The following MSRB3 variants were observed in gnomAD, a reference collection of about 807,000 sequenced individuals.
MSRB3 encodes methionine sulfoxide reductase B3, also known as methionine-R-sulfoxide reductase B3.
MSRB3 carries 13 observed loss-of-function variants against 21.0 expected under a neutral mutation model. That is an observed-to-expected ratio of 0.62 (90% confidence interval 0.40 to 0.98). The LOEUF is 0.98. MSRB3 is among the 50% of genes least tolerant of loss of function. The pLI, the probability that MSRB3 is intolerant of heterozygous loss-of-function variation, is 0.00. For synonymous variants in MSRB3, 87 were observed against 88.6 expected (o/e 0.98, Z 0.10); for missense variants, 199 against 230.3 (o/e 0.86, Z 0.88).
intron 5 of MSRB3, among the ~76,000 whole-genome samples, chr12:65,393,870 AT>A (rs1388673975): frequency 6.6e-5 from 10 of 152,034 alleles, no homozygotes; most frequent in Admixed American, 2.0e-4. Context: ...TCTTTAAAAA[AT>A]TTTTTTAATA....
intron 2 of MSRB3, among the ~76,000 whole-genome samples, chr12:65,315,512 A>G (rs1874235250): frequency 6.6e-6 from 1 of 152,026 alleles, no homozygotes; most frequent in Non-Finnish European, 1.5e-5. Context: ...TCTACTAAAA[A>G]TACAATAATT....
chr12:65,327,779 C>T (rs912184232), intron 3 of MSRB3, among the ~76,000 whole-genome samples: 2 of 152,160 alleles, frequency 1.3e-5, no homozygotes, highest in African/African-American at 4.8e-5. Context: ...CTGAATTTAC[C>T]AAATGTTGAA....
At chr12:65,356,768 T>C (rs1313764624) in intron 4 of MSRB3, among the ~76,000 whole-genome samples, 1 of 151,874 alleles carries the variant, frequency 6.6e-6, no homozygotes, top group Non-Finnish European at 1.5e-5. Context: ...TTTCAAAAGG[T>C]TAATGTAATT....
At chr12:65,396,442 G>C (rs528996642) in intron 5 of MSRB3, among the ~76,000 whole-genome samples, 18 of 152,308 alleles carry the variant, frequency 1.2e-4, no homozygotes, top group Non-Finnish European at 2.4e-4. Flanking sequence ...AATAATCCCA[G>C]CACTTTGGGA....
chr12:65,449,039 T>TG (rs746321602), intron 5 of MSRB3, among the ~76,000 whole-genome samples: 11 of 152,170 alleles, frequency 7.2e-5, no homozygotes, highest in Non-Finnish European at 1.3e-4. Context: ...TATTTTATTT[T>TG]ATTTTTTGAG....
At position 65,451,456 on chromosome 12, in the gene MSRB3, G is replaced by GA. The variant is rs539367247; in HGVS notation, c.293-2265dup. 1.4e-4 allele frequency among the ~76,000 whole-genome samples: 21 copies of GA among 152,154 alleles called. No individual in the cohort carries two copies. In the East Asian group the frequency reaches 3.9e-3, roughly 28 times the overall value. ...ATCCTGTGCATATCTAATTCAGGTAGAAAAAAATTGAGGAAGAAAGTGGAA... is the reference window on the plus strand; with the variant it reads ...ATCCTGTGCATATCTAATTCAGGTAGAAAAAAAATTGAGGAAGAAAGTGGAA... On this transcript the variant is annotated intron_variant, in intron 5 of 6. Coordinates refer to ENST00000308259, the MANE Select transcript of MSRB3 (RefSeq NM_001031679.3).
chr12:65,450,890 T>G (rs1309360399), intron 5 of MSRB3, among the ~76,000 whole-genome samples: 1 of 152,234 alleles, frequency 6.6e-6, no homozygotes, highest in Non-Finnish European at 1.5e-5. Flanking sequence ...GCTTTCAAAG[T>G]GCTGTCATCA....
At chr12:65,420,160 T>C (rs988375651) in intron 5 of MSRB3, 10 of 304,336 alleles carry the variant, frequency 3.3e-5, no homozygotes, top group African/African-American at 2.2e-4. Flanking sequence ...CTGAAGAGAA[T>C]ATCCTTTCCT....
At chr12:65,287,131 C>CTTTT (rs368441408) in intron 1 of MSRB3, among the ~76,000 whole-genome samples, 1 of 124,766 alleles carries the variant, frequency 8.0e-6, no homozygotes, top group African/African-American at 2.9e-5. Context: ...TTTCATTTCT[C>CTTTT]TTTTTTTTTT....
Position 65,308,832 on chromosome 12 carries a change from C to T in MSRB3, c.76+177C>T, listed in dbSNP as rs545657779. 3.5e-5 allele frequency: 27 copies of T among 772,378 alleles called. No homozygotes were observed. In the South Asian group the frequency reaches 4.2e-4, roughly 12 times the overall value. The allele number at this position is 772,378 out of a possible 1,614,324, so 47.8% of individuals were successfully genotyped here. A position where few individuals can be genotyped will look rare whatever the true frequency, so the allele number is the denominator to read the frequency against. On this transcript the variant is annotated intron_variant, in intron 2 of 6. Transcript: ENST00000308259. ...CTACTTTGAGTAACATTCATTTCCACAATCCTTACAACCCTTGGAACATTG... is the reference window on the plus strand; with the variant it reads ...CTACTTTGAGTAACATTCATTTCCATAATCCTTACAACCCTTGGAACATTG...
chr12:65,320,664 A>C (rs540617159), intron 2 of MSRB3, among the ~76,000 whole-genome samples: 14 of 152,344 alleles, frequency 9.2e-5, no homozygotes, highest in African/African-American at 2.6e-4. Flanking sequence ...ATACGTTGAA[A>C]GTTCAGCCAG....
intron 6 of MSRB3, 195 bp downstream of exon 6, chr12:65,454,020 A>C: frequency 2.9e-6 from 2 of 681,338 alleles, no homozygotes; most frequent in Non-Finnish European, 5.4e-6. Flanking sequence ...ATGATAGCTC[A>C]AGCCTGTAAT....
intron 5 of MSRB3, among the ~76,000 whole-genome samples, chr12:65,422,340 A>G (rs1464811012): frequency 2.0e-5 from 3 of 148,250 alleles, no homozygotes; most frequent in African/African-American, 7.5e-5. Flanking sequence ...ATTAACAAAG[A>G]TATTTAGGAC....
At chr12:65,387,548 T>A (rs1268713795) in intron 5 of MSRB3, among the ~76,000 whole-genome samples, 1 of 152,180 alleles carries the variant, frequency 6.6e-6, no homozygotes, top group African/African-American at 2.4e-5. Context: ...TTAACTTATT[T>A]TTCTTTGGTG....
intron 1 of MSRB3, among the ~76,000 whole-genome samples, chr12:65,296,181 A>G (rs1218412232): frequency 6.6e-6 from 1 of 152,242 alleles, no homozygotes; most frequent in African/African-American, 2.4e-5. Context: ...TTTCTCTGAC[A>G]GTTGCTAAAA....
chr12:65,317,481 A>T (rs984022485), intron 2 of MSRB3, among the ~76,000 whole-genome samples: 1 of 152,142 alleles, frequency 6.6e-6, no homozygotes, highest in Non-Finnish European at 1.5e-5. Flanking sequence ...CAAGAAACCC[A>T]TGTCACCTAG....
chr12:65,396,509 G>A (rs1051724796), intron 5 of MSRB3, among the ~76,000 whole-genome samples: 9 of 152,030 alleles, frequency 5.9e-5, no homozygotes, highest in African/African-American at 2.2e-4. Context: ...TGGTCAACAT[G>A]GTGAAACCCT....
chr12:65,289,563 A>T (rs1872564835), intron 1 of MSRB3, among the ~76,000 whole-genome samples: 1 of 152,168 alleles, frequency 6.6e-6, no homozygotes, highest in African/African-American at 2.4e-5. Context: ...TATCTTTTTA[A>T]ATTGTATTTT....
intron 5 of MSRB3, among the ~76,000 whole-genome samples, chr12:65,408,029 C>T (rs748545946): frequency 6.6e-6 from 1 of 151,698 alleles, no homozygotes; most frequent in Non-Finnish European, 1.5e-5. Flanking sequence ...TAGAAAATCT[C>T]TGTCCTATCT....
Sources: gnomAD v4.1 joint callset for allele counts (sites outside exome capture counted in the v4.1 genomes callset) on GRCh38, gnomAD v4.1.1 for gene constraint, MANE v1.5 for transcripts, NCBI Gene and HGNC (gene_info 2026-07-23, HGNC 2026-07-21) for gene names.